Variants in MCPH1 observed in about 807,000 individuals in gnomAD.
MCPH1 encodes microcephalin.
MCPH1 carries 104 observed loss-of-function variants against 84.5 expected under a neutral mutation model. The observed-to-expected ratio is 1.23, with a 90% CI of 1.05 to 1.45. The LOEUF (loss-of-function observed/expected upper bound fraction) is 1.45. Ranked by LOEUF, MCPH1 falls within the 40% of genes most tolerant of loss-of-function variation. MCPH1 has a pLI of 0.00. For synonymous variants in MCPH1, 514 were observed against 366.8 expected (o/e 1.40, Z -4.58); for missense variants, 1,498 against 1,005.7 (o/e 1.49, Z -6.62).
chr8:6,470,104 G>C (rs953723459), intron 9 of MCPH1, among the ~76,000 whole-genome samples: 11 of 152,214 alleles, frequency 7.2e-5, no homozygotes, highest in African/African-American at 2.6e-4. Flanking sequence ...TAGGCATTCT[G>C]TAGTAGATAC....
chr8:6,642,609 T>C (rs1267357933), intron 13 of MCPH1: 2 of 354,710 alleles, frequency 5.6e-6, no homozygotes, highest in South Asian at 2.5e-5. Flanking sequence ...TATTTACTTA[T>C]ACTCTGCCTT....
chr8:6,631,710 A>T (rs903805059), intron 13 of MCPH1, among the ~76,000 whole-genome samples: 2 of 152,116 alleles, frequency 1.3e-5, no homozygotes, highest in South Asian at 4.1e-4. Flanking sequence ...GGAAAATTGG[A>T]ACCTTGTGTC....
chr8:6,475,405 C>G (rs552191082), intron 9 of MCPH1, among the ~76,000 whole-genome samples: 16 of 152,330 alleles, frequency 1.1e-4, no homozygotes, highest in Non-Finnish European at 1.5e-4. Context: ...TGGCTCTTTT[C>G]TGACCCCTCT....
intron 12 of MCPH1, among the ~76,000 whole-genome samples, chr8:6,609,981 A>G (rs1028901111): frequency 3.3e-5 from 5 of 152,108 alleles, no homozygotes; most frequent in African/African-American, 1.2e-4. Flanking sequence ...ATCCTGAAAC[A>G]TCTCAGTATT....
chr8:6,510,555 G>T (rs1247837535), intron 12 of MCPH1, among the ~76,000 whole-genome samples: 1 of 152,192 alleles, frequency 6.6e-6, no homozygotes, highest in Non-Finnish European at 1.5e-5. Context: ...CATGCACACT[G>T]GATGCTTATA....
intron 3 of MCPH1, among the ~76,000 whole-genome samples, chr8:6,418,677 G>A (rs946869980): frequency 6.6e-6 from 1 of 152,120 alleles, no homozygotes; most frequent in Non-Finnish European, 1.5e-5. Context: ...CCTACTCCCT[G>A]GTTCAGCGAT....
chr8:6,527,023 T>C, intron 12 of MCPH1, among the ~76,000 whole-genome samples: 1 of 152,252 alleles, frequency 6.6e-6, no homozygotes, highest in East Asian at 1.9e-4. Flanking sequence ...GCTTACAGTA[T>C]AAGTGTAGCT....
rs902052481 is a variant in MCPH1, at chr8:6,575,314, G to A, written c.2215-46140G>A. Among the ~76,000 whole-genome samples, 4 of 152,170 alleles carry A rather than the reference G, an allele frequency of 2.6e-5. No individual in the cohort carries two copies. In the South Asian group the frequency reaches 8.3e-4, roughly 31 times the overall value. ...AATTGCATAAAGCTTAGCAATGTGG[G>A]TTTTTCTAGACAAAGTTAAGCAGCA... On this transcript the variant is annotated intron_variant, in intron 12 of 13. Coordinates refer to ENST00000344683, the MANE Select transcript of MCPH1 (RefSeq NM_024596.5).
intron 13 of MCPH1, among the ~76,000 whole-genome samples, chr8:6,631,049 T>G (rs560990012): frequency 1.3e-5 from 2 of 152,244 alleles, no homozygotes; most frequent in South Asian, 4.1e-4. Flanking sequence ...AACCACCAAA[T>G]GCATACGGCA....
At chr8:6,554,062 C>G (rs984100956) in intron 12 of MCPH1, among the ~76,000 whole-genome samples, 2 of 150,588 alleles carry the variant, frequency 1.3e-5, no homozygotes, top group Non-Finnish European at 2.9e-5. Context: ...AATGAAGGTG[C>G]TAATGTATTT....
In MCPH1 at chr8:6,428,065, A is replaced by T. The variant is rs184225116; in HGVS notation, c.234-3434A>T. On this transcript the variant is annotated intron_variant, in intron 3 of 13. Coordinates refer to ENST00000344683, the MANE Select transcript of MCPH1 (RefSeq NM_024596.5). ...CCAAAGTGCTGAGATTACAGGTGTG[A>T]GCCACCACGCCTCGCCTATACTGTA... Among the ~76,000 whole-genome samples the T allele has an allele frequency of 2.1e-3, 320 of 152,080 alleles. 3 individuals are homozygous for T. The highest frequency in any genetic ancestry group is 7.4e-3 in the African/African-American group (305 of 41,454).
At chr8:6,435,535 G>T (rs1385870618) in intron 4 of MCPH1, among the ~76,000 whole-genome samples, 5 of 152,110 alleles carry the variant, frequency 3.3e-5, no homozygotes, top group Non-Finnish European at 5.9e-5. Flanking sequence ...CAATCTGATT[G>T]GATCATGGAT....
At chr8:6,532,754 G>A (rs891717955) in intron 12 of MCPH1, among the ~76,000 whole-genome samples, 1 of 152,124 alleles carries the variant, frequency 6.6e-6, no homozygotes, top group Non-Finnish European at 1.5e-5. Flanking sequence ...TGTTCTTCTA[G>A]AAGTCCATGT....
intron 13 of MCPH1, among the ~76,000 whole-genome samples, chr8:6,641,462 C>A (rs1308010602): frequency 6.6e-6 from 1 of 152,134 alleles, no homozygotes; most frequent in Non-Finnish European, 1.5e-5. Context: ...AAAAGTCAAG[C>A]CAGGTGTGGT....
chr8:6,455,036 C>T (rs752831889), intron 8 of MCPH1, 107 bp from the exon 9 acceptor site: 6 of 824,348 alleles, frequency 7.3e-6, no homozygotes, highest in African/African-American at 1.7e-5. Context: ...ATTTAAAAGG[C>T]CTATAACTTC....
chr8:6,553,559 C>T (rs186276178), intron 12 of MCPH1, among the ~76,000 whole-genome samples: 9 of 152,266 alleles, frequency 5.9e-5, no homozygotes, highest in Admixed American at 5.2e-4. Context: ...TATAGAACGC[C>T]TTTATTCAAA....
intron 3 of MCPH1, among the ~76,000 whole-genome samples, chr8:6,421,558 C>A (rs1256609134): frequency 6.6e-6 from 1 of 151,756 alleles, no homozygotes; most frequent in Non-Finnish European, 1.5e-5. Context: ...AAAAAAAATT[C>A]AAATGTTTAC....
chr8:6,473,989 A>T, intron 9 of MCPH1: 3 of 984,750 alleles, frequency 3.0e-6, no homozygotes, highest in Non-Finnish European at 4.8e-6. Context: ...GAACTTGGAA[A>T]ATCTCACACT....
intron 13 of MCPH1, among the ~76,000 whole-genome samples, chr8:6,633,204 G>A (rs1041892398): frequency 2.7e-5 from 3 of 111,696 alleles, no homozygotes; most frequent in African/African-American, 1.1e-4. Flanking sequence ...CCTAGTCAAG[G>A]GAATAAAATA....
Sources: allele counts gnomAD v4.1 joint callset (sites outside exome capture counted in the v4.1 genomes callset), GRCh38; gene constraint gnomAD v4.1.1; transcripts MANE v1.5; gene names NCBI Gene and HGNC (gene_info 2026-07-23, HGNC 2026-07-21).